DDX51: variants seen among roughly 807,000 people sequenced by gnomAD.
DDX51 encodes the protein DEAD-box helicase 51.
In DDX51, 67 loss-of-function variants were observed where a neutral mutation model predicts 74.6. That is an observed-to-expected ratio of 0.90 (90% CI 0.74 to 1.10). DDX51 has a LOEUF of 1.10. Among genes scored for constraint, DDX51 ranks in the 50% least tolerant of loss-of-function variants. The pLI is 0.00. For synonymous variants in DDX51, 545 were observed against 402.9 expected (o/e 1.35, Z -4.22); for missense variants, 1,056 against 905.2 (o/e 1.17, Z -2.14).
intron 6 of DDX51, 101 bp from the exon 7 acceptor site, chr12:132,141,707 GA>G: frequency 6.8e-7 from 1 of 1,469,164 alleles, no homozygotes; most frequent in Middle Eastern, 1.8e-4. Context: ...CCCCACATGG[GA>G]AGGGGGCCGG....
chr12:132,143,566 C>A, intron 2 of DDX51, 129 bp downstream of exon 2: 2 of 1,261,516 alleles, frequency 1.6e-6, no homozygotes, highest in Non-Finnish European at 1.1e-6. Flanking sequence ...AACTGCAGAC[C>A]TGGCAGCGAG....
chr12:132,142,622 A>G (rs1897510533), intron 3 of DDX51, 106 bp downstream of exon 3: 2 of 1,526,376 alleles, frequency 1.3e-6, no homozygotes, highest in African/African-American at 2.7e-5. Context: ...CTGAGACCAC[A>G]CTTGGCACCG....
intron 13 of DDX51, 24 bp downstream of exon 13, chr12:132,139,837 C>T: frequency 1.2e-6 from 2 of 1,612,948 alleles, no homozygotes; most frequent in South Asian, 1.1e-5. Context: ...ACAGCAGAAA[C>T]TCCCAAGACC....
rs760041266 is a variant in DDX51 at position 132,141,918 on chromosome 12, A to G, written c.927T>C (p.Pro309=). The G allele has an allele frequency of 3.0e-5, 48 of 1,613,180 alleles. 4 individuals carry two copies. The South Asian group carries it at 4.9e-4, about 17-fold the overall frequency. The change falls in exon 6 of 15, where the codon CCT becomes CCC. Residue 309 remains proline (P), a synonymous_variant. Transcript: ENST00000397333. ...KVFNIYTDAT[P]LRVSLVTGQK... ...GTCCCGTAACCAGGGAGACTCTCAG[A>G]GGTGTGGCATCTGTGTAGATGTTGA... is the stretch of plus-strand genomic sequence containing the variant.
At position 132,143,373 on chromosome 12, in the gene DDX51, G is replaced by A. The variant is rs889844606; in HGVS notation, c.519+322C>T. On this transcript the variant is annotated intron_variant, in intron 2 of 14. Transcript: ENST00000397333. ...ACACGTGCTAAGCAAAAACACCAAC[G>A]GTCAGGAGCTTGCAGAACGGCCTCT... 8 of 506,108 alleles carry A rather than the reference G, an allele frequency of 1.6e-5. No individual in the cohort carries two copies. In the East Asian group the frequency reaches 1.8e-4, roughly 12 times the overall value. 31.4% of individuals were successfully genotyped at this position (506,108 alleles called of 1,614,324 possible).
intron 8 of DDX51, 121 bp from the exon 9 acceptor site, chr12:132,141,141 G>A (rs1355594028): frequency 4.0e-6 from 6 of 1,494,542 alleles, no homozygotes; most frequent in Non-Finnish European, 4.5e-6. Context: ...GGTGGGTCCA[G>A]CTCACGTGAC....
rs1225753811 is a variant in DDX51 at position 132,137,026 on chromosome 12, AG to A, written c.*2245del. 1 of 152,260 alleles carries A rather than the reference AG, an allele frequency of 6.6e-6. No individual in the cohort carries two copies. Among genetic ancestry groups the A allele is most frequent in the Non-Finnish European group, 1.5e-5 (1 of 68,096 alleles). 9.4% of individuals were successfully genotyped at this position (152,260 alleles called of 1,614,324 possible). On this transcript the variant is annotated 3_prime_UTR_variant, in exon 15 of 15. Transcript: ENST00000397333. ...TAGAGGAGGGATGTCTTGTCCTCCC[AG>A]GGCCCAGGGTTTTAGCTGGGACAAG...
chr12:132,140,958 G>A lies in DDX51; in HGVS notation c.1313C>T (p.Pro438Leu), dbSNP rs1300822667. 5 of 1,613,006 alleles carry A rather than the reference G, an allele frequency of 3.1e-6. No homozygotes were observed. The African/African-American group carries it at 4.0e-5, about 13-fold the overall frequency. Residue 438 changes from proline (P) to leucine (L), a missense_variant, in exon 9 of 15, where the codon CCT (proline) becomes CTT (leucine). Pro to Leu is a moderately conservative substitution (Grantham distance 98, BLOSUM62 -3). Coordinates refer to ENST00000397333, the MANE Select transcript of DDX51 (RefSeq NM_175066.4). ...GAGGCCCAGCTGCTGCAGCTTTTCA[G>A]GGTTCTGGGTCAGAGTAGCTGAGAA... is the stretch of plus-strand genomic sequence containing the variant. Reference protein sequence around the residue: ...LLFSATLTQNPEKLQQLGLHQ... With the variant: ...LLFSATLTQNLEKLQQLGLHQ...
chr12:132,140,304 A>G (rs1897397150), intron 11 of DDX51, 105 bp from the exon 12 acceptor site: 2 of 1,557,508 alleles, frequency 1.3e-6, no homozygotes, highest in South Asian at 1.2e-5. Flanking sequence ...ACTGGCTGCC[A>G]TGGGGCTGGG....
At position 132,139,189 on chromosome 12, in the gene DDX51, T is replaced by A; in HGVS notation, c.*83A>T. On this transcript the variant is annotated 3_prime_UTR_variant, in exon 15 of 15. Transcript: ENST00000397333. ...CCACTGGGGGATTCCTTTCCTCACA[T>A]ACAGGATCCAGTGATCAGCACTGCT... is the stretch of plus-strand genomic sequence containing the variant. 1.9e-6 allele frequency: 3 copies of A among 1,539,622 alleles called. No homozygotes were observed. Among genetic ancestry groups the A allele is most frequent in the Non-Finnish European group, 2.6e-6 (3 of 1,138,654 alleles).
At chr12:132,143,304 C>CGCT (rs1897550888) in intron 2 of DDX51, 1 of 412,398 alleles carries the variant, frequency 2.4e-6, no homozygotes, top group African/African-American at 2.1e-5. Context: ...TCAAACTTCT[C>CGCT]GCTTTCTTCA....
In DDX51 at chr12:132,141,881, C is replaced by A. The variant is rs1446491859; in HGVS notation, c.964G>T (p.Ala322Ser). Residue 322 changes from alanine to serine, a missense_variant, in exon 6 of 15, where the codon GCC becomes TCC. By Grantham distance (99) the Ala-to-Ser change is moderately conservative. Transcript: ENST00000397333. ...TGGACGAGGCTCTCCTGCTCCTTGG[C>A]CAGAGACTTCTGTCCCGTAACCAGG... is the stretch of plus-strand genomic sequence containing the variant. ...VSLVTGQKSL[A>S]KEQESLVQKT... The A allele has an allele frequency of 6.2e-7, 1 of 1,613,136 alleles. No individual in the cohort carries two copies.
chr12:132,139,923 C>G lies in DDX51; in HGVS notation c.1777G>C (p.Val593Leu). The change falls in exon 13 of 15, where the codon GTT becomes CTT. Residue 593 changes from valine (V) to leucine (L), a missense_variant and splice_region_variant. Coordinates refer to ENST00000397333, the MANE Select transcript of DDX51 (RefSeq NM_175066.4). The part of the protein sequence containing the change: ...PQYLRTYVHR[V>L]GRTARAGKTG... Reference sequence around the variant, plus strand: ...TTCCCAGCGCGAGCTGTCCTCCCAACCCTGGAATCAAACGCAGCTATCTCC... The same window carrying G: ...TTCCCAGCGCGAGCTGTCCTCCCAAGCCTGGAATCAAACGCAGCTATCTCC... The G allele has an allele frequency of 6.2e-7, 1 of 1,613,034 alleles. No individual in the cohort carries two copies. Among genetic ancestry groups the G allele is most frequent in the Non-Finnish European group, 8.5e-7 (1 of 1,179,976 alleles).
Position 132,142,948 on chromosome 12 carries a change from AAAGC to A in DDX51, c.520-74_520-71del, listed in dbSNP as rs2136679442. ...TCTCGCGCAGAAGCCCACGGTGGAA[AAAGC>A]TAGGGGAGGGAGGCTGGGGAAACCT... is the stretch of plus-strand genomic sequence containing the variant. On this transcript the variant is annotated intron_variant, in intron 2 of 14. Coordinates refer to ENST00000397333, the MANE Select transcript of DDX51 (RefSeq NM_175066.4). 1.1e-5 allele frequency: 18 copies of A among 1,600,536 alleles called. No homozygotes were observed. In the South Asian group the frequency reaches 1.7e-4, roughly 15 times the overall value.
At position 132,144,275 on chromosome 12, in the gene DDX51, G is replaced by C; in HGVS notation, c.22C>G (p.Arg8Gly). MALFYVA[R>G]YPGPDAAAAA... ...GCTGCCGCATCGGGGCCCGGGTACC[G>C]CGCGACGTAGAACAGCGCCATGGCC... is the stretch of plus-strand genomic sequence containing the variant. Residue 8 changes from arginine to glycine, a missense_variant, in exon 1 of 15, where the codon CGG becomes GGG. Physicochemically the swap from Arg to Gly is moderately radical, Grantham distance 125 (BLOSUM62 -2). Coordinates refer to ENST00000397333, the MANE Select transcript of DDX51 (RefSeq NM_175066.4). 2 of 1,256,462 alleles carry C rather than the reference G, an allele frequency of 1.6e-6. No individual in the cohort carries two copies. Among genetic ancestry groups the C allele is most frequent in the Non-Finnish European group, 2.0e-6 (2 of 1,001,532 alleles). The allele number at this position is 1,256,462 out of a possible 1,614,324, so 77.8% of individuals were successfully genotyped here.
In DDX51 at chr12:132,144,132, C is replaced by G; in HGVS notation, c.165G>C (p.Glu55Asp). 2 of 1,198,260 alleles carry G rather than the reference C, an allele frequency of 1.7e-6. No individual in the cohort carries two copies. The highest frequency in any genetic ancestry group is 3.6e-5 in the East Asian group (1 of 27,528). The allele number at this position is 1,198,260 out of a possible 1,614,324, so 74.2% of individuals were successfully genotyped here. The change falls in exon 1 of 15, where the codon GAG (glutamate) becomes GAC (aspartate). Residue 55 changes from glutamate (E) to aspartate (D), a missense_variant. Glu to Asp is a conservative substitution (Grantham distance 45, BLOSUM62 2). Transcript: ENST00000397333. ...RQQQREPAQTEAAASTEPATR... is the reference protein window; with the variant it reads ...RQQQREPAQTDAAASTEPATR... ...TCGCCGGCTCGGTCGATGCAGCCGC[C>G]TCGGTCTGCGCGGGCTCCCGCTGCT...
Position 132,143,886 on chromosome 12 carries a change from C to T in DDX51, c.328G>A (p.Glu110Lys), listed in dbSNP as rs776332962. Residue 110 changes from glutamate to lysine, a missense_variant, in exon 2 of 15, where the codon GAG becomes AAG. Glu to Lys is a moderately conservative substitution (Grantham distance 56). Transcript: ENST00000397333. ...TCCTCGCTGCTCCCTGCGCTGGGCTCCCCTGGCGCCTCCTCGTTGCTTTCT... is the reference window on the plus strand; with the variant it reads ...TCCTCGCTGCTCCCTGCGCTGGGCTTCCCTGGCGCCTCCTCGTTGCTTTCT... ...GAESNEEAPGEPSAGSSEEAP... is the reference protein window; with the variant it reads ...GAESNEEAPGKPSAGSSEEAP... The T allele has an allele frequency of 2.0e-6, 3 of 1,523,282 alleles. No homozygotes were observed. The African/African-American group carries it at 4.3e-5, about 22-fold the overall frequency. The allele number at this position is 1,523,282 out of a possible 1,614,324, so 94.4% of individuals were successfully genotyped here. A position where few individuals can be genotyped will look rare whatever the true frequency, so the allele number is the denominator to read the frequency against.
At position 132,140,509 on chromosome 12, in the gene DDX51, A is replaced by G; in HGVS notation, c.1587T>C (p.Gly529=). 5.0e-6 allele frequency: 8 copies of G among 1,612,940 alleles called. No individual in the cohort carries two copies. Among genetic ancestry groups the G allele is most frequent in the South Asian group, 1.1e-5 (1 of 91,062 alleles). The change falls in exon 11 of 15, where the codon GGT becomes GGC. Residue 529 remains glycine (G), a synonymous_variant. Coordinates refer to ENST00000397333, the MANE Select transcript of DDX51 (RefSeq NM_175066.4). ...GCGAGGAGAACTCAGCCACGTCCAC[A>G]CCCCCAAAAGCTTGCACCAGCAGGA... ...RLFLLVQAFG[G]VDVAEFSSRY... is the part of the protein sequence containing the mutation.
chr12:132,141,741 G>T (rs922210706), intron 6 of DDX51, 109 bp downstream of exon 6: 1 of 1,470,630 alleles, frequency 6.8e-7, no homozygotes, highest in East Asian at 2.3e-5. Context: ...CTCTTCACGG[G>T]AACAGGTGGT....
Sources: gnomAD v4.1 joint callset for allele counts on GRCh38, gnomAD v4.1.1 for gene constraint, MANE v1.5 for transcripts, NCBI Gene and HGNC (gene_info 2026-07-23, HGNC 2026-07-21) for gene names.